TACC2: variants seen among roughly 807,000 people sequenced by gnomAD.
TACC2 encodes transforming acidic coiled-coil containing protein 2.
TACC2 carries 137 observed loss-of-function variants against 227.3 expected under a neutral mutation model. The ratio of observed to expected loss-of-function variants is 0.60; its 90% CI spans 0.52 to 0.69. TACC2 has a LOEUF of 0.69. Among genes scored for constraint, TACC2 ranks in the 30% least tolerant of loss-of-function variants. TACC2 has a pLI of 0.00. For synonymous variants in TACC2, 1,523 were observed against 1,487.5 expected (o/e 1.02, Z -0.55); for missense variants, 3,470 against 3,694.4 (o/e 0.94, Z 1.57).
rs756220208 is a variant in TACC2, at chr10:122,216,640, C to G, written c.7358C>G (p.Ala2453Gly). The G allele has an allele frequency of 1.6e-5, 26 of 1,613,714 alleles. No individual in the cohort carries two copies. The East Asian group carries it at 5.8e-4, about 36-fold the overall frequency. ...SDPPSQDPTP[A>G]ATPETPPVIS... ...TTCTCTTTGCAGGACCCCACCCCAG[C>G]TGCTACACCAGAAACACCACCAGTG... Residue 2453 changes from alanine (A) to glycine (G), a missense_variant, in exon 11 of 23, where the codon GCT (alanine) becomes GGT (glycine). By Grantham distance (60) the Ala-to-Gly change is moderately conservative. This residue lies in a region of TACC2 where 593 missense variants were observed against 636.6 expected (regional missense o/e 0.93). Coordinates refer to ENST00000369005, the MANE Select transcript of TACC2 (RefSeq NM_206862.4).
chr10:122,187,784 G>A (rs2140403683), intron 7 of TACC2, among the ~76,000 whole-genome samples: 1 of 152,270 alleles, frequency 6.6e-6, no homozygotes, highest in Middle Eastern at 3.4e-3. Flanking sequence ...GAGCCGCGGT[G>A]CCCAGCCCTT....
Position 122,205,046 on chromosome 10 carries a change from C to T in TACC2, c.5972-5351C>T, listed in dbSNP as rs954280649. Among the ~76,000 whole-genome samples the T allele has an allele frequency of 2.6e-5, 4 of 152,178 alleles. No individual in the cohort carries two copies. Among genetic ancestry groups the T allele is most frequent in the East Asian group, 3.9e-4 (2 of 5,190 alleles). ...CTCTGTCACTTAGATGCTCACGAGG[C>T]GGACTCTGCTGGGAACAATTTGGTT... is the stretch of plus-strand genomic sequence containing the variant. On this transcript the variant is annotated intron_variant, in intron 8 of 22. Transcript: ENST00000369005. The surrounding 1 kb of genome is among the most constrained non-coding windows in gnomAD (Gnocchi z 4.5).
Position 122,230,428 on chromosome 10 carries a change from C to T in TACC2, c.8115C>T (p.His2705=), listed in dbSNP as rs753223988. 4 of 1,614,148 alleles carry T rather than the reference C, an allele frequency of 2.5e-6. No individual in the cohort carries two copies. Among genetic ancestry groups the T allele is most frequent in the Non-Finnish European group, 3.4e-6 (4 of 1,180,002 alleles). ...ARQIALASRS[H]QDAKREAAHP... ...AGATTGCTTTGGCTTCCCGCAGCCA[C>T]CAGGATGCCAAGGTACCGGTTTGCT... The change falls in exon 16 of 23, where the codon CAC becomes CAT. Residue 2705 remains histidine, a synonymous_variant. Coordinates refer to ENST00000369005, the MANE Select transcript of TACC2 (RefSeq NM_206862.4).
chr10:122,160,925 A>G (rs1453481884), intron 7 of TACC2, among the ~76,000 whole-genome samples: 2 of 152,172 alleles, frequency 1.3e-5, no homozygotes, highest in African/African-American at 4.8e-5. Flanking sequence ...AATGGTGCCC[A>G]CATTCTATTT....
chr10:122,142,749 G>C (rs1224876853), intron 6 of TACC2, among the ~76,000 whole-genome samples: 2 of 152,220 alleles, frequency 1.3e-5, no homozygotes, highest in East Asian at 3.9e-4. Context: ...GCTACCCCAA[G>C]ACACCTTCAG....
Position 122,143,712 on chromosome 10 carries a change from G to A in TACC2, c.5834+6G>A, listed in dbSNP as rs751625468. 1.9e-5 allele frequency: 30 copies of A among 1,613,164 alleles called. No homozygotes were observed. The highest frequency in any genetic ancestry group is 1.7e-4 in the Middle Eastern group (1 of 6,052). On this transcript the variant is annotated splice_donor_region_variant and intron_variant, in intron 7 of 22. Coordinates refer to ENST00000369005, the MANE Select transcript of TACC2 (RefSeq NM_206862.4). ...CCGGCCAAGGACCTCAGCAGGTATTGCGCAAGTCCCCCTCCACAGCACCTG... is the reference window on the plus strand; with the variant it reads ...CCGGCCAAGGACCTCAGCAGGTATTACGCAAGTCCCCCTCCACAGCACCTG...
intron 3 of TACC2, among the ~76,000 whole-genome samples, chr10:122,062,506 G>T (rs894898567): frequency 6.7e-6 from 1 of 149,022 alleles, no homozygotes; most frequent in African/African-American, 2.5e-5. Context: ...TAGAGACAGG[G>T]TTTCTCCATA....
intron 1 of TACC2, among the ~76,000 whole-genome samples, chr10:121,989,725 G>T (rs577927295): frequency 2.3e-4 from 35 of 151,434 alleles, no homozygotes; most frequent in African/African-American, 8.0e-4. Flanking sequence ...AAAAAATTAT[G>T]ATTTATTTTT....
At chr10:122,020,373 A>G (rs936091110) in intron 1 of TACC2, among the ~76,000 whole-genome samples, 1 of 152,092 alleles carries the variant, frequency 6.6e-6, no homozygotes, top group Non-Finnish European at 1.5e-5. Flanking sequence ...TTAAGGTATC[A>G]TATCCTTTTG....
Position 122,085,386 on chromosome 10 carries a change from G to C in TACC2, c.2886G>C (p.Ser962=). 6.2e-7 allele frequency: 1 copy of C among 1,613,962 alleles called. No homozygotes were observed. The highest frequency in any genetic ancestry group is 8.5e-7 in the Non-Finnish European group (1 of 1,180,038). The change falls in exon 4 of 23, where the codon TCG becomes TCC. Residue 962 remains serine (S), a synonymous_variant. Transcript: ENST00000369005. ...ACGDGQSSRV[S]PPAADVLKDF... is the part of the protein sequence containing the mutation. Reference sequence around the variant, plus strand: ...GTGATGGTCAGTCCTCGAGGGTCTCGCCTCCAGCAGCAGATGTCTTAAAAG... The same window carrying C: ...GTGATGGTCAGTCCTCGAGGGTCTCCCCTCCAGCAGCAGATGTCTTAAAAG...
At chr10:122,174,224 G>A (rs1360293019) in intron 7 of TACC2, among the ~76,000 whole-genome samples, 1 of 152,192 alleles carries the variant, frequency 6.6e-6, no homozygotes, top group Non-Finnish European at 1.5e-5. Flanking sequence ...CTGAGGGTGT[G>A]CCTGGTAAAC....
chr10:122,127,534 G>A (rs2087120643), intron 5 of TACC2, among the ~76,000 whole-genome samples: 3 of 152,166 alleles, frequency 2.0e-5, no homozygotes, highest in Admixed American at 2.0e-4. Context: ...TTGCTGGCCT[G>A]ACTAAATTTA....
At chr10:122,004,783 A>G (rs67147804) in intron 1 of TACC2, among the ~76,000 whole-genome samples, 5,132 of 152,246 alleles carry the variant, frequency 0.034, 122 homozygotes, top group Admixed American at 0.051. Context: ...CTCTTTCTCT[A>G]TTGCAATCCC....
chr10:122,202,251 T>C (rs11200473), intron 8 of TACC2, among the ~76,000 whole-genome samples: 9,137 of 149,298 alleles, frequency 0.061, 683 homozygotes, highest in East Asian at 0.23. Context: ...TTCAAACTCA[T>C]CAGATAACTG....
intron 5 of TACC2, among the ~76,000 whole-genome samples, chr10:122,126,216 A>G (rs2086821112): frequency 2.0e-5 from 3 of 152,020 alleles, no homozygotes; most frequent in Admixed American, 2.0e-4. Flanking sequence ...ATTGTACTGT[A>G]AGGGGGGGCT....
intron 7 of TACC2, among the ~76,000 whole-genome samples, chr10:122,178,514 G>A (rs903210553): frequency 2.6e-5 from 4 of 152,020 alleles, no homozygotes; most frequent in African/African-American, 9.7e-5. Context: ...TGGGATTACA[G>A]GCATGAGCCA....
intron 3 of TACC2, among the ~76,000 whole-genome samples, chr10:122,072,104 G>A (rs1044807225): frequency 1.5e-4 from 22 of 148,520 alleles, no homozygotes; most frequent in Non-Finnish European, 2.7e-4. Flanking sequence ...TCAACCTCCC[G>A]AGTAGCTGGG....
rs779332914 is a variant in TACC2 at position 122,087,583 on chromosome 10, C to A, written c.5083C>A (p.Pro1695Thr). The A allele has an allele frequency of 6.2e-7, 1 of 1,613,550 alleles. No homozygotes were observed. Among genetic ancestry groups the A allele is most frequent in the Admixed American group, 1.7e-5 (1 of 60,004 alleles). ...TGEVADTPLE[P>T]GKVAGAAGEA... ...AGAAGTGGCAGACACTCCCCTGGAG[C>A]CTGGCAAGGTGGCAGGCGCTGCTGG... The change falls in exon 4 of 23, where the codon CCT becomes ACT. Residue 1695 changes from proline (P) to threonine (T), a missense_variant. This residue lies in a region of TACC2 where 1,924 missense variants were observed against 1,978.3 expected (regional missense o/e 0.97). Transcript: ENST00000369005.
At chr10:122,043,953 C>T (rs1454593164) in intron 2 of TACC2, among the ~76,000 whole-genome samples, 2 of 152,198 alleles carry the variant, frequency 1.3e-5, no homozygotes, top group Admixed American at 1.3e-4. Context: ...CATATAGATG[C>T]TTCCCCGGCT....
Sources: allele counts gnomAD v4.1 joint callset (sites outside exome capture counted in the v4.1 genomes callset), GRCh38; gene constraint gnomAD v4.1.1; regional missense constraint gnomAD v4.1.1; non-coding constraint Gnocchi (gnomAD v3.1); transcripts MANE v1.5; gene names NCBI Gene and HGNC (gene_info 2026-07-23, HGNC 2026-07-21).